Variants in NECTIN4 observed in about 807,000 individuals in gnomAD.
NECTIN4 encodes the protein nectin-4.
NECTIN4 carries 19 observed loss-of-function variants against 51.7 expected under a neutral mutation model. That is an observed-to-expected ratio of 0.37 (90% confidence interval 0.26 to 0.54). The LOEUF (loss-of-function observed/expected upper bound fraction) is 0.54, where lower values mean the gene tolerates loss of function less well. Ranked by LOEUF, NECTIN4 falls within the 20% of genes least tolerant of loss-of-function variation. NECTIN4 has a pLI of 0.86. For synonymous variants in NECTIN4, 283 were observed against 286.9 expected, an observed-to-expected ratio of 0.99 and a Z score of 0.14; for missense variants, 619 against 662.4, an observed-to-expected ratio of 0.93 and a Z score of 0.72.
Position 161,072,511 on chromosome 1 carries a change from C to T in NECTIN4, c.*150G>A, listed in dbSNP as rs1300508948. 2.8e-6 allele frequency: 2 copies of T among 711,462 alleles called. No homozygotes were observed. Among genetic ancestry groups the T allele is most frequent in the African/African-American group, 1.7e-5 (1 of 57,236 alleles). The allele number at this position is 711,462 out of a possible 1,614,324, so 44.1% of individuals were successfully genotyped here. On this transcript the variant is annotated 3_prime_UTR_variant, in exon 9 of 9. Coordinates refer to ENST00000368012, the MANE Select transcript of NECTIN4 (RefSeq NM_030916.3). Reference sequence around the variant, plus strand: ...CAATTGGTGGAGCCCTCCCGATGAACAGAAGGGTTGGAGGTAAAGGTCAAG... The same window carrying T: ...CAATTGGTGGAGCCCTCCCGATGAATAGAAGGGTTGGAGGTAAAGGTCAAG...
At chr1:161,074,189 T>A (rs1653307794) in intron 6 of NECTIN4, 28 bp downstream of exon 6, 1 of 1,613,852 alleles carries the variant, frequency 6.2e-7, no homozygotes, top group African/African-American at 1.3e-5. Context: ...AGCTTAGTTC[T>A]ACCCACCCAG....
chr1:161,077,728 G>A lies in NECTIN4; in HGVS notation c.455C>T (p.Ser152Leu). Residue 152 changes from serine (S) to leucine (L), a missense_variant, in exon 3 of 9, where the codon TCA becomes TTA. Ser to Leu is a moderately radical substitution (Grantham distance 145). Transcript: ENST00000368012. Reference protein sequence around the residue: ...RLRVLVPPLPSLNPGPALEEG... With the variant: ...RLRVLVPPLPLLNPGPALEEG... ...TTCTAGTGCTGGACCAGGATTCAGT[G>A]AGGGCAGGGGAGGCACTGCAAATGG... is the stretch of plus-strand genomic sequence containing the variant. 6.2e-7 allele frequency: 1 copy of A among 1,608,654 alleles called. No individual in the cohort carries two copies. The highest frequency in any genetic ancestry group is 8.5e-7 in the Non-Finnish European group (1 of 1,179,648).
chr1:161,088,643 G>A (rs1361513801), intron 1 of NECTIN4, among the ~76,000 whole-genome samples: 2 of 152,074 alleles, frequency 1.3e-5, no homozygotes, highest in Non-Finnish European at 2.9e-5. Flanking sequence ...TCAGAGTGAC[G>A]GGCATTCTCA....
intron 2 of NECTIN4, 75 bp downstream of exon 2, chr1:161,079,515 C>A: frequency 1.9e-6 from 3 of 1,565,778 alleles, no homozygotes; most frequent in Non-Finnish European, 2.6e-6. Flanking sequence ...CTGCCCCATC[C>A]ATCTCTGCAG....
chr1:161,076,741 C>T (rs995094652), intron 3 of NECTIN4, among the ~76,000 whole-genome samples: 1 of 152,242 alleles, frequency 6.6e-6, no homozygotes, highest in Non-Finnish European at 1.5e-5. Flanking sequence ...TGATCCATCA[C>T]ACATTTTCTG....
intron 7 of NECTIN4, among the ~76,000 whole-genome samples, 197 bp downstream of exon 7, chr1:161,073,523 T>C (rs1653277079): frequency 1.3e-5 from 2 of 152,204 alleles, no homozygotes; most frequent in Non-Finnish European, 2.9e-5. Context: ...AGGCCAATGC[T>C]GAAGGGGGCC....
Position 161,089,441 on chromosome 1 carries a change from C to G in NECTIN4, c.-145G>C. On this transcript the variant is annotated 5_prime_UTR_variant, in exon 1 of 9. Transcript: ENST00000368012. The surrounding 1 kb of genome is among the most constrained non-coding windows in gnomAD (Gnocchi z 4.1). ...CGCACTTGGGTCTCCACTAGGGGAC[C>G]CAGCCCCAGCCCCGGCCCCGTTCTA... is the stretch of plus-strand genomic sequence containing the variant. 1 of 719,292 alleles carries G rather than the reference C, an allele frequency of 1.4e-6. No individual in the cohort carries two copies. Among genetic ancestry groups the G allele is most frequent in the Non-Finnish European group, 2.4e-6 (1 of 408,958 alleles). The allele number at this position is 719,292 out of a possible 1,614,324, so 44.6% of individuals were successfully genotyped here.
rs573211404 is a variant in NECTIN4 at position 161,089,034 on chromosome 1, G to A, written c.79+184C>T. On this transcript the variant is annotated intron_variant, in intron 1 of 8. Transcript: ENST00000368012. This position sits in a 1 kb window ranked among gnomAD's most constrained non-coding sequence, Gnocchi z 4.1. Reference sequence around the variant, plus strand: ...GCTGGGAGGAAACAAGAAGGGGGAGGGCTATACTGGCTTTTCTGGGGGCAC... The same window carrying A: ...GCTGGGAGGAAACAAGAAGGGGGAGAGCTATACTGGCTTTTCTGGGGGCAC... Among the ~76,000 whole-genome samples the A allele has an allele frequency of 3.3e-5, 5 of 152,084 alleles. No individual in the cohort carries two copies. The East Asian group carries it at 5.8e-4, about 18-fold the overall frequency.
chr1:161,078,461 C>T (rs1312562533), intron 2 of NECTIN4, among the ~76,000 whole-genome samples: 1 of 151,800 alleles, frequency 6.6e-6, no homozygotes, highest in African/African-American at 2.4e-5. Context: ...GTGCGCACCA[C>T]CACACCCAGC....
intron 2 of NECTIN4, among the ~76,000 whole-genome samples, chr1:161,078,272 T>C (rs1653510042): frequency 6.9e-6 from 1 of 145,708 alleles, no homozygotes; most frequent in African/African-American, 2.6e-5. Flanking sequence ...AGGGAAACTA[T>C]AAAAACCTTT....
At chr1:161,087,694 G>A (rs995574610) in intron 1 of NECTIN4, 4 of 151,964 alleles carry the variant, frequency 2.6e-5, no homozygotes, top group African/African-American at 9.7e-5. Context: ...CTCTTCTGGG[G>A]GTACTGCTGG....
chr1:161,079,580 C>G lies in NECTIN4; in HGVS notation c.439+10G>C. ...AGCGGCTCAGACCGTACCCAGAGAT[C>G]CCCGCTTACCCAGCACTCGGAGCCG... On this transcript the variant is annotated intron_variant, in intron 2 of 8. Transcript: ENST00000368012. 6 of 1,602,418 alleles carry G rather than the reference C, an allele frequency of 3.7e-6. No individual in the cohort carries two copies. Among genetic ancestry groups the G allele is most frequent in the African/African-American group, 1.3e-5 (1 of 75,050 alleles).
At chr1:161,088,389 G>A (rs571443597) in intron 1 of NECTIN4, among the ~76,000 whole-genome samples, 4 of 152,120 alleles carry the variant, frequency 2.6e-5, no homozygotes, top group South Asian at 2.1e-4. Context: ...GCACACACAC[G>A]CACACACACT....
rs955964193 is a variant in NECTIN4, at chr1:161,077,417, C to T, written c.730+36G>A. Reference sequence around the variant, plus strand: ...GCATCTCACCAATCTGCTGAGAACCCCTTGGGCCTCCCTACCCAAGCATCC... The same window carrying T: ...GCATCTCACCAATCTGCTGAGAACCTCTTGGGCCTCCCTACCCAAGCATCC... On this transcript the variant is annotated intron_variant, in intron 3 of 8. Coordinates refer to ENST00000368012, the MANE Select transcript of NECTIN4 (RefSeq NM_030916.3). The T allele has an allele frequency of 4.3e-6, 7 of 1,611,980 alleles. No individual in the cohort carries two copies. In the African/African-American group the frequency reaches 9.4e-5, roughly 22 times the overall value.
rs67212435 is a variant in NECTIN4, at chr1:161,078,302, T to G, written c.440-559A>C. On this transcript the variant is annotated intron_variant, in intron 2 of 8. Coordinates refer to ENST00000368012, the MANE Select transcript of NECTIN4 (RefSeq NM_030916.3). The stretch of plus-strand genomic sequence containing the variant: ...ACCTTTATTTTATGTATTTATTTAT[T>G]TATTTATTTATTTATCTACTTGTGA... Among the ~76,000 whole-genome samples, 1,029 of 152,132 alleles carry G rather than the reference T, an allele frequency of 6.8e-3. 7 individuals are homozygous for G. The highest frequency in any genetic ancestry group is 0.01 in the Non-Finnish European group (712 of 67,996).
At position 161,072,697 on chromosome 1, in the gene NECTIN4, A is replaced by G; in HGVS notation, c.1497T>C (p.Asn499=). Residue 499 remains asparagine, a synonymous_variant, in exon 9 of 9, where the codon AAT becomes AAC. Transcript: ENST00000368012. ...GTCCCCGCCCATTGATGTAGATGCC[A>G]TTGCCCGTGGGCTTGGCCCGTAGGG... ...NGTLRAKPTG[N]GIYINGRGHL... The G allele has an allele frequency of 6.2e-7, 1 of 1,614,220 alleles. No homozygotes were observed. The highest frequency in any genetic ancestry group is 8.5e-7 in the Non-Finnish European group (1 of 1,180,032).
Position 161,089,109 on chromosome 1 carries a change from G to T in NECTIN4, c.79+109C>A. 9.8e-7 allele frequency: 1 copy of T among 1,024,254 alleles called. No homozygotes were observed. The highest frequency in any genetic ancestry group is 1.5e-6 in the Non-Finnish European group (1 of 651,508). 63.4% of individuals were successfully genotyped at this position (1,024,254 alleles called of 1,614,324 possible). On this transcript the variant is annotated intron_variant, in intron 1 of 8. Transcript: ENST00000368012. This position sits in a 1 kb window ranked among gnomAD's most constrained non-coding sequence, Gnocchi z 4.1. Reference sequence around the variant, plus strand: ...ACTGGATCCTCAGTTCAGAGTCAAAGAAAGGAGGATATGTGTGTGCGTGCG... The same window carrying T: ...ACTGGATCCTCAGTTCAGAGTCAAATAAAGGAGGATATGTGTGTGCGTGCG...
At position 161,073,258 on chromosome 1, in the gene NECTIN4, A is replaced by G. The variant is rs773700158; in HGVS notation, c.1275T>C (p.Asp425=). 3.1e-6 allele frequency: 5 copies of G among 1,614,032 alleles called. No individual in the cohort carries two copies. Among genetic ancestry groups the G allele is most frequent in the African/African-American group, 1.3e-5 (1 of 75,006 alleles). Residue 425 remains aspartate (D), a synonymous_variant, in exon 8 of 9, where the codon GAT becomes GAC. Transcript: ENST00000368012. ...SVGLRAEGHP[D]SLKDNSSCSV... ...AGCAGCTACTGTTGTCCTTGAGACT[A>G]TCAGGGTGGCCCTCGGCTCTCAGCC...
chr1:161,073,085 G>A, intron 8 of NECTIN4, 140 bp downstream of exon 8: 1 of 678,160 alleles, frequency 1.5e-6, no homozygotes, highest in South Asian at 1.7e-5. Context: ...CAAAGACGTA[G>A]CAGAGATGCG....
Sources: gnomAD v4.1 joint callset for allele counts (sites outside exome capture counted in the v4.1 genomes callset) on GRCh38, gnomAD v4.1.1 for gene constraint, Gnocchi (gnomAD v3.1) non-coding constraint, MANE v1.5 for transcripts, NCBI Gene and HGNC (gene_info 2026-07-23, HGNC 2026-07-21) for gene names.